The following CRLF1 variants were observed in gnomAD, a reference collection of about 807,000 sequenced individuals.
CRLF1 encodes cytokine receptor like factor 1, also known as cytokine receptor-like factor 1.
In CRLF1, 36 loss-of-function variants were observed where a neutral mutation model predicts 48.9. The observed-to-expected ratio is 0.74, with a 90% CI of 0.56 to 0.97. The LOEUF (loss-of-function observed/expected upper bound fraction) is 0.97, where lower values mean the gene tolerates loss of function less well. Ranked by LOEUF, CRLF1 falls within the 50% of genes least tolerant of loss-of-function variation. The pLI is 0.00. For missense variants in CRLF1, 534 were observed against 575.1 expected, an observed-to-expected ratio of 0.93 and a Z score of 0.73; for synonymous variants, 256 against 253.4, an observed-to-expected ratio of 1.01 and a Z score of -0.10.
rs1299151932 is a variant in CRLF1 at position 18,606,123 on chromosome 19, G to T, written c.115+419C>A. On this transcript the variant is annotated intron_variant, in intron 1 of 8. Coordinates refer to ENST00000392386, the MANE Select transcript of CRLF1 (RefSeq NM_004750.5). This position sits in a 1 kb window ranked among gnomAD's most constrained non-coding sequence, Gnocchi z 4.8. ...CCCCGTGGGGCTCATCCCTCCGCCT[G>T]GGGGGGCCCGCTGGGGGCCCGCACC... is the stretch of plus-strand genomic sequence containing the variant. Among the ~76,000 whole-genome samples, 1 of 151,312 alleles carries T rather than the reference G, an allele frequency of 6.6e-6. No homozygotes were observed. The highest frequency in any genetic ancestry group is 2.4e-5 in the African/African-American group (1 of 41,276).
intron 3 of CRLF1, 40 bp from the exon 4 acceptor site, chr19:18,598,641 T>C: frequency 1.2e-6 from 2 of 1,613,830 alleles, no homozygotes; most frequent in East Asian, 2.2e-5. Context: ...TGAGGGTTCC[T>C]TGTGGCCCCC....
chr19:18,601,095 G>A (rs1280983246), intron 1 of CRLF1, among the ~76,000 whole-genome samples: 4 of 152,132 alleles, frequency 2.6e-5, no homozygotes, highest in South Asian at 4.1e-4. Flanking sequence ...CATGAGCTTC[G>A]GTGCCTAGCC....
chr19:18,604,952 G>A (rs1042065726), intron 1 of CRLF1, among the ~76,000 whole-genome samples: 8 of 152,186 alleles, frequency 5.3e-5, no homozygotes, highest in Admixed American at 1.3e-4. Context: ...CAGGGCGGAA[G>A]GGTGGCCTCC....
intron 3 of CRLF1, 46 bp from the exon 4 acceptor site, chr19:18,598,647 C>T (rs960248428): frequency 2.7e-5 from 43 of 1,613,564 alleles, no homozygotes; most frequent in African/African-American, 4.0e-5. Flanking sequence ...TTCCTTGTGG[C>T]CCCCAGACCT....
At chr19:18,597,791 C>A (rs1009694613) in intron 4 of CRLF1, among the ~76,000 whole-genome samples, 3 of 152,088 alleles carry the variant, frequency 2.0e-5, no homozygotes, top group Admixed American at 1.3e-4. Context: ...AGAGAAGCAA[C>A]TGAGGCTTAG....
chr19:18,596,176 A>G (rs1005112331), intron 6 of CRLF1, among the ~76,000 whole-genome samples: 7 of 152,222 alleles, frequency 4.6e-5, no homozygotes, highest in Non-Finnish European at 7.3e-5. Context: ...AGGCCAAAGA[A>G]AATAGATCCA....
chr19:18,594,632 T>TG (rs921667008), intron 6 of CRLF1, among the ~76,000 whole-genome samples, 198 bp from the exon 7 acceptor site: 4 of 134,360 alleles, frequency 3.0e-5, no homozygotes, highest in Non-Finnish European at 4.9e-5. Context: ...CCTGGGGAGG[T>TG]GGGGGGGAGG....
Position 18,606,477 on chromosome 19 carries a change from G to T in CRLF1, c.115+65C>A. On this transcript the variant is annotated intron_variant, in intron 1 of 8. Transcript: ENST00000392386. This position sits in a 1 kb window ranked among gnomAD's most constrained non-coding sequence, Gnocchi z 4.8. ...GGCGCCCGCGCCCCCTCCCCCCGCG[G>T]CTGCCCCCGGGGCGCCCGCCCTCTG... 9.3e-7 allele frequency: 1 copy of T among 1,079,518 alleles called. No homozygotes were observed. The highest frequency in any genetic ancestry group is 1.1e-6 in the Non-Finnish European group (1 of 889,300). 66.9% of individuals were successfully genotyped at this position (1,079,518 alleles called of 1,614,324 possible).
chr19:18,599,165 G>A, intron 2 of CRLF1: 1 of 954,410 alleles, frequency 1.0e-6, no homozygotes, highest in Non-Finnish European at 1.2e-6. Flanking sequence ...GAGTGCAATG[G>A]TGCCATCTCA....
Position 18,597,431 on chromosome 19 carries a change from C to CTTTTTTTTTTTTTTTTTTT in CRLF1, c.698-383_698-382insAAAAAAAAAAAAAAAAAAA, listed in dbSNP as rs765610119. Among the ~76,000 whole-genome samples the CTTTTTTTTTTTTTTTTTTT allele has an allele frequency of 1.2e-4, 10 of 81,624 alleles. 2 individuals carry two copies. Among genetic ancestry groups the CTTTTTTTTTTTTTTTTTTT allele is most frequent in the Admixed American group, 4.1e-4 (3 of 7,338 alleles). The allele number at this position is 81,624 out of a possible 152,430, so 53.5% of individuals were successfully genotyped here. The stretch of plus-strand genomic sequence containing the variant: ...TCCCCACTCACACCTCCCTTCCACT[C>CTTTTTTTTTTTTTTTTTTT]TTTTTTTTTTTTTTTTGAGACGGAG... On this transcript the variant is annotated intron_variant, in intron 4 of 8. Transcript: ENST00000392386.
intron 1 of CRLF1, among the ~76,000 whole-genome samples, chr19:18,604,335 A>G (rs1311853955): frequency 6.6e-6 from 1 of 151,348 alleles, no homozygotes; most frequent in Admixed American, 6.6e-5. Flanking sequence ...CCAATCTCCC[A>G]CCCCCTTAGC....
intron 1 of CRLF1, among the ~76,000 whole-genome samples, chr19:18,605,253 C>A (rs1261286564): frequency 1.3e-5 from 2 of 152,164 alleles, no homozygotes; most frequent in African/African-American, 4.8e-5. Context: ...CCGTCAGGGG[C>A]CCTGGGAGGG....
At chr19:18,598,344 A>G in intron 4 of CRLF1, 88 bp downstream of exon 4, 1 of 1,461,302 alleles carries the variant, frequency 6.8e-7, no homozygotes, top group African/African-American at 1.4e-5. Flanking sequence ...GACCCTAGGA[A>G]AAATGAGAAG....
rs771472425 is a variant in CRLF1 at position 18,598,920 on chromosome 19, G to A, written c.398-19C>T. 8.1e-6 allele frequency: 13 copies of A among 1,613,292 alleles called. 1 individual carries two copies. The South Asian group carries it at 8.8e-5, about 11-fold the overall frequency. On this transcript the variant is annotated intron_variant, in intron 2 of 8. Coordinates refer to ENST00000392386, the MANE Select transcript of CRLF1 (RefSeq NM_004750.5). ...GGGGGCACTGGGAGAAGGGGAGGGT[G>A]CAGGAAGCAGGCTGAGGGTCTGGAC... is the stretch of plus-strand genomic sequence containing the variant.
intron 1 of CRLF1, among the ~76,000 whole-genome samples, chr19:18,601,656 A>G (rs1161087606): frequency 1.3e-5 from 2 of 152,156 alleles, no homozygotes; most frequent in African/African-American, 2.4e-5. Flanking sequence ...CACTCGCCTC[A>G]GCCTCCCGAA....
Position 18,593,548 on chromosome 19 carries a change from G to A in CRLF1, c.*18C>T, listed in dbSNP as rs755684000. On this transcript the variant is annotated 3_prime_UTR_variant, in exon 9 of 9. Coordinates refer to ENST00000392386, the MANE Select transcript of CRLF1 (RefSeq NM_004750.5). ...TGCGTCTCCACGTGGCAGGGAGGGT[G>A]GCCTGAGCCCCTACAGCTTATCTGG... The A allele has an allele frequency of 1.2e-6, 2 of 1,610,596 alleles. No individual in the cohort carries two copies. Among genetic ancestry groups the A allele is most frequent in the Non-Finnish European group, 1.7e-6 (2 of 1,178,916 alleles).
Position 18,606,128 on chromosome 19 carries a change from G to A in CRLF1, c.115+414C>T, listed in dbSNP as rs1432848045. On this transcript the variant is annotated intron_variant, in intron 1 of 8. Coordinates refer to ENST00000392386, the MANE Select transcript of CRLF1 (RefSeq NM_004750.5). This position sits in a 1 kb window ranked among gnomAD's most constrained non-coding sequence, Gnocchi z 4.8. ...TGGGGCTCATCCCTCCGCCTGGGGG[G>A]GCCCGCTGGGGGCCCGCACCCAGCG... 2.0e-5 allele frequency among the ~76,000 whole-genome samples: 3 copies of A among 151,346 alleles called. No individual in the cohort carries two copies. Among genetic ancestry groups the A allele is most frequent in the Admixed American group, 1.3e-4 (2 of 15,196 alleles).
Position 18,593,264 on chromosome 19 carries a change from G to T in CRLF1, c.*302C>A. On this transcript the variant is annotated 3_prime_UTR_variant, in exon 9 of 9. Coordinates refer to ENST00000392386, the MANE Select transcript of CRLF1 (RefSeq NM_004750.5). ...ACCTAAATAGCTCATTTATTTAAAA[G>T]GACTCTTTTGGAGGGGCCCTAGGTA... 1 of 414,296 alleles carries T rather than the reference G, an allele frequency of 2.4e-6. No individual in the cohort carries two copies. Among genetic ancestry groups the T allele is most frequent in the Non-Finnish European group, 4.4e-6 (1 of 226,290 alleles). The allele number at this position is 414,296 out of a possible 1,614,324, so 25.7% of individuals were successfully genotyped here.
intron 1 of CRLF1, among the ~76,000 whole-genome samples, chr19:18,605,302 A>G (rs571197399): frequency 1.4e-4 from 21 of 152,286 alleles, no homozygotes; most frequent in African/African-American, 4.6e-4. Flanking sequence ...GGGGAGAGCC[A>G]GGCTTTCAGC....
Sources: gnomAD v4.1 joint callset for allele counts (sites outside exome capture counted in the v4.1 genomes callset) on GRCh38, gnomAD v4.1.1 for gene constraint, Gnocchi (gnomAD v3.1) non-coding constraint, MANE v1.5 for transcripts, NCBI Gene and HGNC (gene_info 2026-07-23, HGNC 2026-07-21) for gene names.